The following PRKG1 variants were observed in gnomAD, a reference collection of about 807,000 sequenced individuals.
PRKG1 encodes cGMP-dependent protein kinase 1.
A neutral mutation model predicts 88.1 loss-of-function variants in PRKG1; 35 were observed. That is an observed-to-expected ratio of 0.40 (90% CI 0.30 to 0.53). PRKG1 has a LOEUF of 0.53. Ranked by LOEUF, PRKG1 falls within the 20% of genes least tolerant of loss-of-function variation. PRKG1 has a pLI of 0.59. For missense variants in PRKG1, 540 were observed against 839.8 expected (o/e 0.64, Z 4.41); for synonymous variants, 303 against 292.5 (o/e 1.04, Z -0.37).
intron 5 of PRKG1, among the ~76,000 whole-genome samples, chr10:51,986,401 C>CA (rs1010328830): frequency 6.6e-6 from 1 of 151,696 alleles, no homozygotes; most frequent in Non-Finnish European, 1.5e-5. Flanking sequence ...ATAGTCACTT[C>CA]AAAAAAAAGA....
At chr10:51,419,541 A>G (rs1476088157) in intron 2 of PRKG1, among the ~76,000 whole-genome samples, 1 of 152,152 alleles carries the variant, frequency 6.6e-6, no homozygotes, top group African/African-American at 2.4e-5. Context: ...GTTTCCCTAA[A>G]GGGAAGCCAA....
rs1415811029 is a variant in PRKG1 at position 52,101,967 on chromosome 10, G to C, written c.936-31873G>C. 3.9e-5 allele frequency among the ~76,000 whole-genome samples: 6 copies of C among 152,172 alleles called. No individual in the cohort carries two copies. The East Asian group carries it at 1.2e-3, about 29-fold the overall frequency. The stretch of plus-strand genomic sequence containing the variant: ...CTCTATTTTGTGCAAATGAAGTCAA[G>C]TTTATGATCAGGACTGCCCTTCTCT... On this transcript the variant is annotated intron_variant, in intron 7 of 17. Transcript: ENST00000373980.
At chr10:52,149,646 C>A (rs1364354208) in intron 8 of PRKG1, among the ~76,000 whole-genome samples, 1 of 150,594 alleles carries the variant, frequency 6.6e-6, no homozygotes, top group Non-Finnish European at 1.5e-5. Flanking sequence ...CAAAATAACT[C>A]ACCAGAAACC....
intron 8 of PRKG1, among the ~76,000 whole-genome samples, chr10:52,160,590 C>T (rs1838251587): frequency 6.6e-6 from 1 of 151,928 alleles, no homozygotes; most frequent in South Asian, 2.1e-4. Flanking sequence ...CCCTTCCCCT[C>T]CACCCACCCC....
intron 2 of PRKG1, among the ~76,000 whole-genome samples, chr10:51,309,471 T>G (rs1165204728): frequency 1.3e-5 from 2 of 152,138 alleles, no homozygotes; most frequent in African/African-American, 4.8e-5. Context: ...GATATACAAA[T>G]GGTCAGCAAG....
chr10:51,578,009 G>T (rs571039337), intron 3 of PRKG1, among the ~76,000 whole-genome samples: 1 of 152,050 alleles, frequency 6.6e-6, no homozygotes, highest in Non-Finnish European at 1.5e-5. Flanking sequence ...TGTTCGTTAG[G>T]ATTCTCTAAT....
chr10:51,845,249 C>T (rs1840369292), intron 4 of PRKG1, among the ~76,000 whole-genome samples: 1 of 152,132 alleles, frequency 6.6e-6, no homozygotes, highest in African/African-American at 2.4e-5. Context: ...TTTCCCTCTT[C>T]TTGCTGTCTT....
intron 3 of PRKG1, among the ~76,000 whole-genome samples, chr10:51,738,794 C>A: frequency 6.6e-6 from 1 of 152,144 alleles, no homozygotes. Flanking sequence ...AGTTAAAATT[C>A]TATTCTAATG....
intron 1 of PRKG1, among the ~76,000 whole-genome samples, chr10:51,015,843 C>T (rs900954395): frequency 7.9e-5 from 12 of 152,054 alleles, no homozygotes; most frequent in Admixed American, 2.0e-4. Context: ...GCCGAGATGG[C>T]GCCATTGCAG....
chr10:52,101,878 AG>A (rs1274765128), intron 7 of PRKG1, among the ~76,000 whole-genome samples: 1 of 152,226 alleles, frequency 6.6e-6, no homozygotes, highest in Non-Finnish European at 1.5e-5. Flanking sequence ...ATGTCCACAA[AG>A]GACATTTATT....
chr10:52,099,265 G>T (rs1847242441), intron 7 of PRKG1, among the ~76,000 whole-genome samples: 1 of 152,092 alleles, frequency 6.6e-6, no homozygotes, highest in African/African-American at 2.4e-5. Flanking sequence ...TGTATCAAAT[G>T]GAGAGGAAAA....
chr10:51,508,301 A>G (rs1022374183), intron 3 of PRKG1, among the ~76,000 whole-genome samples: 3 of 152,194 alleles, frequency 2.0e-5, no homozygotes, highest in African/African-American at 4.8e-5. Context: ...TTTACTTTCT[A>G]TGTGAAAGAA....
chr10:51,840,122 T>C (rs535899014), intron 4 of PRKG1, among the ~76,000 whole-genome samples: 1 of 152,316 alleles, frequency 6.6e-6, no homozygotes, highest in Admixed American at 6.5e-5. Flanking sequence ...TTTTCTAAAA[T>C]GATGAATTGA....
At chr10:51,853,377 C>T (rs1171054508) in intron 4 of PRKG1, among the ~76,000 whole-genome samples, 7 of 152,058 alleles carry the variant, frequency 4.6e-5, no homozygotes, top group Admixed American at 3.3e-4. Context: ...CAGTGTTTGG[C>T]ATCTGCTATG....
At chr10:51,125,603 A>G (rs1186273089) in intron 1 of PRKG1, among the ~76,000 whole-genome samples, 1 of 148,894 alleles carries the variant, frequency 6.7e-6, no homozygotes, top group Non-Finnish European at 1.5e-5. Context: ...AATTGCTTGA[A>G]CCCAGGAGGC....
At chr10:51,625,187 T>TA (rs1478986429) in intron 3 of PRKG1, among the ~76,000 whole-genome samples, 3 of 152,020 alleles carry the variant, frequency 2.0e-5, no homozygotes, top group Non-Finnish European at 4.4e-5. Flanking sequence ...CAATTATAAA[T>TA]AAAAAATAGG....
intron 2 of PRKG1, among the ~76,000 whole-genome samples, chr10:51,353,275 C>T (rs1203885744): frequency 6.6e-6 from 1 of 151,904 alleles, no homozygotes. Flanking sequence ...ACACAGGCAA[C>T]CAAAGCAAAA....
chr10:52,071,733 G>A (rs568738761), intron 7 of PRKG1, among the ~76,000 whole-genome samples: 1 of 152,104 alleles, frequency 6.6e-6, no homozygotes, highest in South Asian at 2.1e-4. Context: ...TGGAGTTAGT[G>A]GACTGAGGGA....
At position 50,995,129 on chromosome 10, in the gene PRKG1, A is replaced by G. The variant is rs375251953; in HGVS notation, c.266+3485A>G. 2.3e-4 allele frequency among the ~76,000 whole-genome samples: 35 copies of G among 152,330 alleles called. No individual in the cohort carries two copies. In the East Asian group the frequency reaches 6.8e-3, roughly 29 times the overall value. ...AGTGATGAAAAACTTTTGCCTATAA[A>G]CACTGCTTCAATGAATGATTACAAT... On this transcript the variant is annotated intron_variant, in intron 1 of 17. Transcript: ENST00000401604.
Sources: gnomAD v4.1 joint callset for allele counts (sites outside exome capture counted in the v4.1 genomes callset) on GRCh38, gnomAD v4.1.1 for gene constraint, MANE v1.5 for transcripts, NCBI Gene and HGNC (gene_info 2026-07-23, HGNC 2026-07-21) for gene names.